The following MROH7 variants were observed in gnomAD, a reference collection of about 807,000 sequenced individuals.
The protein encoded by MROH7 is maestro heat like repeat family member 7.
A neutral mutation model predicts 129.2 loss-of-function variants in MROH7; 113 were observed. The observed-to-expected ratio is 0.87, with a 90% CI of 0.75 to 1.02. MROH7 has a LOEUF of 1.02. Ranked by LOEUF, MROH7 falls within the 50% of genes least tolerant of loss-of-function variation. The pLI is 0.00. For synonymous variants in MROH7, 655 were observed against 667.9 expected, an observed-to-expected ratio of 0.98 and a Z score of 0.30; for missense variants, 1,601 against 1,671.3, an observed-to-expected ratio of 0.96 and a Z score of 0.73.
intron 5 of MROH7, among the ~76,000 whole-genome samples, chr1:54,669,571 C>T (rs1362011646): frequency 6.6e-6 from 1 of 152,206 alleles, no homozygotes; most frequent in East Asian, 1.9e-4. Flanking sequence ...GTCACCCAGG[C>T]TGGAGTGCAG....
chr1:54,687,872 CTTT>C (rs35990412), intron 15 of MROH7, among the ~76,000 whole-genome samples: 2 of 130,232 alleles, frequency 1.5e-5, no homozygotes. Flanking sequence ...TTTTTTCTTT[CTTT>C]TTTTTTTTTT....
At chr1:54,665,683 G>A (rs537110991) in intron 4 of MROH7, 1 of 159,812 alleles carries the variant, frequency 6.3e-6, no homozygotes, top group East Asian at 1.8e-4. Context: ...CAGCAGGTGA[G>A]GCACACTTGC....
At chr1:54,691,886 C>G (rs1202066961) in intron 15 of MROH7, among the ~76,000 whole-genome samples, 8 of 145,588 alleles carry the variant, frequency 5.5e-5, no homozygotes, top group African/African-American at 2.1e-4. Flanking sequence ...TCCTCCCCCC[C>G]ACCCCCCATG....
At position 54,679,415 on chromosome 1, in the gene MROH7, G is replaced by A. The variant is rs772455635; in HGVS notation, c.2202G>A (p.Trp734Ter). 2.5e-6 allele frequency: 4 copies of A among 1,613,888 alleles called. No individual in the cohort carries two copies. Among genetic ancestry groups the A allele is most frequent in the Non-Finnish European group, 3.4e-6 (4 of 1,179,908 alleles). The change falls in exon 12 of 24, where the codon TGG becomes TGA. Residue 734 changes from tryptophan (W) to a stop codon, truncating the protein, a stop_gained. Coordinates refer to ENST00000421030, the MANE Select transcript of MROH7 (RefSeq NM_001039464.4). LOFTEE classifies it high-confidence loss of function. The part of the protein sequence containing the change: ...SEVMLSSVLE[W>*]YRHRALEVIP... ...TCATGCTCAGCTCGGTGCTGGAGTG[G>A]TACCGCCACAGGGCGCTGGAGGTGG...
At chr1:54,655,777 T>G (rs1644634538) in intron 3 of MROH7, among the ~76,000 whole-genome samples, 1 of 152,146 alleles carries the variant, frequency 6.6e-6, no homozygotes, top group Non-Finnish European at 1.5e-5. Flanking sequence ...TGTTATCAAT[T>G]TATTCACCTA....
At chr1:54,678,946 CCAGGCTTTG>C in intron 11 of MROH7, 92 bp downstream of exon 11, 1 of 1,069,224 alleles carries the variant, frequency 9.4e-7, no homozygotes, top group South Asian at 1.3e-5. Flanking sequence ...TTCTAGCTTT[CCAGGCTTTG>C]CAGGACGCCT....
intron 4 of MROH7, among the ~76,000 whole-genome samples, chr1:54,668,504 T>G (rs1007559816): frequency 6.6e-6 from 1 of 152,220 alleles, no homozygotes; most frequent in Non-Finnish European, 1.5e-5. Context: ...CTGACTTGTA[T>G]GTACTGGGAG....
In MROH7 at chr1:54,665,163, G is replaced by T. The variant is rs762688471; in HGVS notation, c.1232-4G>T. The T allele has an allele frequency of 1.9e-6, 3 of 1,613,388 alleles. No homozygotes were observed. The highest frequency in any genetic ancestry group is 2.7e-5 in the African/African-American group (2 of 74,986). ...CACCTTCTCATTGAAATCGTGCCCT[G>T]CAGGAGCCTTTGATGAAGTGACCTC... On this transcript the variant is annotated splice_polypyrimidine_tract_variant and splice_region_variant and intron_variant, in intron 3 of 23. Transcript: ENST00000421030.
chr1:54,701,312 ACTT>A lies in MROH7; in HGVS notation c.3277_3279del (p.Phe1093del). 1 of 1,592,120 alleles carries A rather than the reference ACTT, an allele frequency of 6.3e-7. No homozygotes were observed. Among genetic ancestry groups the A allele is most frequent in the Non-Finnish European group, 8.6e-7 (1 of 1,165,912 alleles). On this transcript the variant is annotated inframe_deletion, in exon 19 of 24. Transcript: ENST00000421030. Reference sequence around the variant, plus strand: ...GAGATGCTGCAGATCCTGCTGCCGCACTTCAGCGACGTGAGGACCTCACAGAGC... The same window carrying A: ...GAGATGCTGCAGATCCTGCTGCCGCACAGCGACGTGAGGACCTCACAGAGC...
rs1056717353 is a variant in MROH7, at chr1:54,700,996, G to T, written c.3106-147G>T. 5 of 827,010 alleles carry T rather than the reference G, an allele frequency of 6.0e-6. No individual in the cohort carries two copies. In the African/African-American group the frequency reaches 6.8e-5, roughly 11 times the overall value. The allele number at this position is 827,010 out of a possible 1,614,324, so 51.2% of individuals were successfully genotyped here. On this transcript the variant is annotated intron_variant, in intron 18 of 23. Coordinates refer to ENST00000421030, the MANE Select transcript of MROH7 (RefSeq NM_001039464.4). ...GAGGAGCAGCAAGAGGTTGGGTGAG[G>T]GTATTCCAGGCAGGTGGGATGGCAT...
intron 21 of MROH7, 141 bp from the exon 22 acceptor site, chr1:54,706,294 G>A: frequency 3.0e-6 from 2 of 660,588 alleles, no homozygotes; most frequent in South Asian, 1.8e-5. Flanking sequence ...ATAAGCCCTG[G>A]CCTGTGGGGG....
chr1:54,701,166 G>A lies in MROH7; in HGVS notation c.3129G>A (p.Leu1043=), dbSNP rs1401808314. ...AGACCGCCAAGGTGAAGGCCCTCCT[G>A]CCCTCCATGGTGAAGGGCCTGAAGA... ...SEKTAKVKAL[L]PSMVKGLKNM... is the part of the protein sequence containing the mutation. Residue 1043 remains leucine, a synonymous_variant, in exon 19 of 24, where the codon CTG becomes CTA. Coordinates refer to ENST00000421030, the MANE Select transcript of MROH7 (RefSeq NM_001039464.4). 2.5e-6 allele frequency: 4 copies of A among 1,613,950 alleles called. No homozygotes were observed. Among genetic ancestry groups the A allele is most frequent in the Admixed American group, 1.7e-5 (1 of 60,028 alleles).
In MROH7 at chr1:54,658,474, T is replaced by C. The variant is rs142576834; in HGVS notation, c.1231+4317T>C. The stretch of plus-strand genomic sequence containing the variant: ...CTATCAGGGCCACTCTTTGCTTTTT[T>C]AATAGGAGCATTTTGTCCATTTGCT... On this transcript the variant is annotated intron_variant, in intron 3 of 23. Coordinates refer to ENST00000421030, the MANE Select transcript of MROH7 (RefSeq NM_001039464.4). 3.9e-5 allele frequency among the ~76,000 whole-genome samples: 6 copies of C among 152,326 alleles called. No individual in the cohort carries two copies. The East Asian group carries it at 9.6e-4, about 24-fold the overall frequency.
rs553814575 is a variant in MROH7 at position 54,656,285 on chromosome 1, GC to G, written c.1231+2129del. Among the ~76,000 whole-genome samples the G allele has an allele frequency of 2.5e-3, 380 of 151,052 alleles. 7 individuals are homozygous for G. Among genetic ancestry groups the G allele is most frequent in the African/African-American group, 8.2e-3 (337 of 41,270 alleles). ...CCAGCACTTTGGGAGGCTGTGGTGG[GC>G]AGATCACCTGAGGTCAGGAGTTCCA... is the stretch of plus-strand genomic sequence containing the variant. On this transcript the variant is annotated intron_variant, in intron 3 of 23. Coordinates refer to ENST00000421030, the MANE Select transcript of MROH7 (RefSeq NM_001039464.4).
At chr1:54,709,767 A>C (rs1047210250) in intron 23 of MROH7, among the ~76,000 whole-genome samples, 179 bp from the exon 24 acceptor site, 1 of 152,062 alleles carries the variant, frequency 6.6e-6, no homozygotes, top group Non-Finnish European at 1.5e-5. Context: ...TGGAGGAGGC[A>C]GGTTTTGATT....
At chr1:54,702,577 GT>G (rs764956833) in intron 20 of MROH7, 45 bp from the exon 21 acceptor site, 1 of 1,488,628 alleles carries the variant, frequency 6.7e-7, no homozygotes, top group Non-Finnish European at 9.0e-7. Context: ...CTGGACCATA[GT>G]CTGGCTGTCC....
chr1:54,701,960 G>T, intron 19 of MROH7, 130 bp from the exon 20 acceptor site: 1 of 734,542 alleles, frequency 1.4e-6, no homozygotes, highest in Non-Finnish European at 2.0e-6. Context: ...TAGGTTAGTG[G>T]GGGTCTGGCT....
At chr1:54,654,226 C>G in intron 3 of MROH7, 69 bp downstream of exon 3, 1 of 1,426,778 alleles carries the variant, frequency 7.0e-7, no homozygotes, top group Non-Finnish European at 9.3e-7. Flanking sequence ...ACTCTTAGGG[C>G]AGGGAGAGGA....
intron 1 of MROH7, among the ~76,000 whole-genome samples, chr1:54,647,450 A>T (rs1644484010): frequency 6.6e-6 from 1 of 151,702 alleles, no homozygotes; most frequent in African/African-American, 2.4e-5. Context: ...GTCTCTACTT[A>T]AAAAAAAGGC....
Sources: allele counts gnomAD v4.1 joint callset (sites outside exome capture counted in the v4.1 genomes callset), GRCh38; gene constraint gnomAD v4.1.1; transcripts MANE v1.5; gene names NCBI Gene and HGNC (gene_info 2026-07-23, HGNC 2026-07-21).